Variants in RIMKLA observed in about 807,000 individuals in gnomAD.
RIMKLA encodes the protein N-acetylaspartylglutamate synthase A.
In RIMKLA, 14 loss-of-function variants were observed where a neutral mutation model predicts 32.7. The ratio of observed to expected loss-of-function variants is 0.43; its 90% CI spans 0.28 to 0.67. The LOEUF is 0.67. Among genes scored for constraint, RIMKLA ranks in the 30% least tolerant of loss-of-function variants. RIMKLA has a pLI of 0.18. For missense variants in RIMKLA, 410 were observed against 519.0 expected (o/e 0.79, Z 2.04); for synonymous variants, 176 against 204.1 (o/e 0.86, Z 1.18).
rs1643063335 is a variant in RIMKLA at position 42,398,113 on chromosome 1, C to T, written c.164-1291C>T. Among the ~76,000 whole-genome samples, 4 of 152,194 alleles carry T rather than the reference C, an allele frequency of 2.6e-5. No individual in the cohort carries two copies. The South Asian group carries it at 8.3e-4, about 32-fold the overall frequency. On this transcript the variant is annotated intron_variant, in intron 1 of 4. Coordinates refer to ENST00000431473, the MANE Select transcript of RIMKLA (RefSeq NM_173642.4). ...ATTCAATTCAACAAACACTGAGTGC[C>T]TACCGTGCAGCAGGCACTATTCTAG...
chr1:42,424,181 A>G lies in RIMKLA; in HGVS notation c.*9207A>G, dbSNP rs1643318436. On this transcript the variant is annotated 3_prime_UTR_variant, in exon 5 of 5. Coordinates refer to ENST00000431473, the MANE Select transcript of RIMKLA (RefSeq NM_173642.4). ...GATTGTTCTAATAAGAATACGTAAGAATGTGTCCTTGTTTTTAGAAAATAC... is the reference window on the plus strand; with the variant it reads ...GATTGTTCTAATAAGAATACGTAAGGATGTGTCCTTGTTTTTAGAAAATAC... Among the ~76,000 whole-genome samples, 1 of 152,234 alleles carries G rather than the reference A, an allele frequency of 6.6e-6. No homozygotes were observed. The highest frequency in any genetic ancestry group is 2.4e-5 in the African/African-American group (1 of 41,460).
chr1:42,408,766 G>T (rs192318661), intron 3 of RIMKLA, among the ~76,000 whole-genome samples: 1 of 152,166 alleles, frequency 6.6e-6, no homozygotes, highest in Non-Finnish European at 1.5e-5. Context: ...TCCAGTCCTT[G>T]TAAGATGGTG....
intron 1 of RIMKLA, among the ~76,000 whole-genome samples, chr1:42,389,162 A>T (rs1400532435): frequency 6.6e-6 from 1 of 152,242 alleles, no homozygotes; most frequent in Non-Finnish European, 1.5e-5. Flanking sequence ...TGATATGGAA[A>T]GGAAGACAGG....
rs1643290045 is a variant in RIMKLA at position 42,420,924 on chromosome 1, C to T, written c.*5950C>T. 6.6e-6 allele frequency: 1 copy of T among 152,272 alleles called. No homozygotes were observed. Among genetic ancestry groups the T allele is most frequent in the African/African-American group, 2.4e-5 (1 of 41,448 alleles). The allele number at this position is 152,272 out of a possible 1,614,324, so 9.4% of individuals were successfully genotyped here. ...GAATGTGTCGCACTTAACCACATGC[C>T]TGGCTTTCCATAGGTTCCTTTCCTC... On this transcript the variant is annotated 3_prime_UTR_variant, in exon 5 of 5. Coordinates refer to ENST00000431473, the MANE Select transcript of RIMKLA (RefSeq NM_173642.4).
At chr1:42,383,896 A>G (rs1438992755) in intron 1 of RIMKLA, among the ~76,000 whole-genome samples, 1 of 152,232 alleles carries the variant, frequency 6.6e-6, no homozygotes, top group Non-Finnish European at 1.5e-5. Flanking sequence ...GTAGATGTGG[A>G]ATTGAACTGA....
At chr1:42,402,484 A>G (rs1408181808) in intron 2 of RIMKLA, among the ~76,000 whole-genome samples, 2 of 152,198 alleles carry the variant, frequency 1.3e-5, no homozygotes, top group South Asian at 2.1e-4. Context: ...GGCTTTGGAC[A>G]TGGAAGAGGG....
chr1:42,395,057 C>G (rs1341584000), intron 1 of RIMKLA, among the ~76,000 whole-genome samples: 1 of 152,114 alleles, frequency 6.6e-6, no homozygotes, highest in East Asian at 1.9e-4. Context: ...TAGAATTTAA[C>G]CCAGTATATG....
intron 4 of RIMKLA, among the ~76,000 whole-genome samples, chr1:42,411,958 CCACG>C (rs1643202594): frequency 6.6e-6 from 1 of 152,166 alleles, no homozygotes; most frequent in South Asian, 2.1e-4. Flanking sequence ...GTGTCAGCCA[CCACG>C]CCCAGCCCAT....
chr1:42,408,668 G>A (rs187804749), intron 3 of RIMKLA, among the ~76,000 whole-genome samples: 8 of 152,066 alleles, frequency 5.3e-5, no homozygotes, highest in South Asian at 2.1e-4. Flanking sequence ...TGATCTGCCC[G>A]CCTCAGCCTC....
Position 42,416,413 on chromosome 1 carries a change from C to G in RIMKLA, c.*1439C>G, listed in dbSNP as rs1307736365. On this transcript the variant is annotated 3_prime_UTR_variant, in exon 5 of 5. Transcript: ENST00000431473. The stretch of plus-strand genomic sequence containing the variant: ...GTCAGACCTTGTGTTTTATCCAACC[C>G]CTCCTCCTGCCCACCAAGATCATCC... 2.0e-5 allele frequency: 3 copies of G among 152,008 alleles called. No individual in the cohort carries two copies. Among genetic ancestry groups the G allele is most frequent in the Non-Finnish European group, 2.9e-5 (2 of 68,010 alleles). The allele number at this position is 152,008 out of a possible 1,614,324, so 9.4% of individuals were successfully genotyped here.
chr1:42,395,273 G>A (rs1236694655), intron 1 of RIMKLA, among the ~76,000 whole-genome samples: 2 of 151,990 alleles, frequency 1.3e-5, no homozygotes, highest in African/African-American at 2.4e-5. Flanking sequence ...TGGGTTGGCA[G>A]TTGGTCACTG....
At chr1:42,400,209 G>A (rs1241395230) in intron 2 of RIMKLA, among the ~76,000 whole-genome samples, 1 of 150,584 alleles carries the variant, frequency 6.6e-6, no homozygotes, top group Non-Finnish European at 1.5e-5. Context: ...TTTGTAGAAT[G>A]TTAAGAGAGA....
chr1:42,395,734 G>A (rs1489147880), intron 1 of RIMKLA, among the ~76,000 whole-genome samples: 1 of 152,166 alleles, frequency 6.6e-6, no homozygotes, highest in Non-Finnish European at 1.5e-5. Context: ...TTTCCTGAGA[G>A]GAGATTACTT....
intron 4 of RIMKLA, 62 bp from the exon 5 acceptor site, chr1:42,414,419 CTCT>C (rs1220613980): frequency 2.6e-6 from 4 of 1,552,932 alleles, no homozygotes; most frequent in African/African-American, 1.4e-5. Flanking sequence ...AGATCCCTGT[CTCT>C]TCTTTGAAGA....
At position 42,415,524 on chromosome 1, in the gene RIMKLA, A is replaced by G. The variant is rs1175578463; in HGVS notation, c.*550A>G. On this transcript the variant is annotated 3_prime_UTR_variant, in exon 5 of 5. Coordinates refer to ENST00000431473, the MANE Select transcript of RIMKLA (RefSeq NM_173642.4). ...ATATGGTGTTTTAGGGAGCTTCCTC[A>G]TTAGCATTTTCAGTGAAGCACTTTG... The G allele has an allele frequency of 1.3e-5, 2 of 152,456 alleles. No homozygotes were observed. Among genetic ancestry groups the G allele is most frequent in the Non-Finnish European group, 2.9e-5 (2 of 68,230 alleles). The allele number at this position is 152,456 out of a possible 1,614,324, so 9.4% of individuals were successfully genotyped here. A position where few individuals can be genotyped will look rare whatever the true frequency, so the allele number is the denominator to read the frequency against.
intron 1 of RIMKLA, among the ~76,000 whole-genome samples, chr1:42,388,924 G>A (rs78404252): frequency 3.9e-5 from 6 of 152,210 alleles, no homozygotes; most frequent in Admixed American, 2.0e-4. Flanking sequence ...AGCAGAAGTA[G>A]GGAGGTTGCT....
At chr1:42,394,256 T>C (rs995540363) in intron 1 of RIMKLA, among the ~76,000 whole-genome samples, 2 of 152,230 alleles carry the variant, frequency 1.3e-5, no homozygotes, top group African/African-American at 2.4e-5. Context: ...TTTCTGCTTG[T>C]TTTGTACATG....
intron 1 of RIMKLA, among the ~76,000 whole-genome samples, chr1:42,391,228 G>A (rs146111782): frequency 9.7e-4 from 148 of 152,272 alleles, no homozygotes; most frequent in African/African-American, 3.5e-3. Context: ...GGCATTGAAA[G>A]GATTCTTCAT....
chr1:42,404,295 C>G (rs1354294474), intron 2 of RIMKLA, among the ~76,000 whole-genome samples: 1 of 152,200 alleles, frequency 6.6e-6, no homozygotes, highest in East Asian at 1.9e-4. Flanking sequence ...CTTTACCACA[C>G]AGAAGGCACC....
Sources: allele counts gnomAD v4.1 joint callset (sites outside exome capture counted in the v4.1 genomes callset), GRCh38; gene constraint gnomAD v4.1.1; transcripts MANE v1.5; gene names NCBI Gene and HGNC (gene_info 2026-07-23, HGNC 2026-07-21).